Variants in DLG2 observed in about 807,000 individuals in gnomAD.
DLG2 encodes the protein discs large MAGUK scaffold protein 2, also known as disks large homolog 2.
Under a neutral mutation model 132.5 loss-of-function variants are expected in DLG2, and 45 were observed. That is an observed-to-expected ratio of 0.34 (90% CI 0.27 to 0.44). The LOEUF is 0.44. DLG2 is among the 20% of genes least tolerant of loss of function. The pLI, the probability that DLG2 is intolerant of heterozygous loss-of-function variation, is 1.00. For missense variants in DLG2, 1,045 were observed against 1,196.9 expected (o/e 0.87, Z 1.87); for synonymous variants, 424 against 419.6 (o/e 1.01, Z -0.13).
At chr11:85,099,283 T>C (rs1426332022) in intron 6 of DLG2, among the ~76,000 whole-genome samples, 1 of 152,170 alleles carries the variant, frequency 6.6e-6, no homozygotes, top group Non-Finnish European at 1.5e-5. Flanking sequence ...TACCTGAGGC[T>C]AGATCTAATG....
intron 8 of DLG2, among the ~76,000 whole-genome samples, chr11:84,220,093 A>G (rs2154323359): frequency 6.6e-6 from 1 of 152,250 alleles, no homozygotes; most frequent in African/African-American, 2.4e-5. Context: ...CGTTCCCTCT[A>G]TGGACTTTCC....
chr11:85,146,540 C>T (rs1179590616), intron 5 of DLG2, among the ~76,000 whole-genome samples: 1 of 152,062 alleles, frequency 6.6e-6, no homozygotes, highest in Non-Finnish European at 1.5e-5. Context: ...GGAGCTAGGA[C>T]CTGGAATTAA....
At chr11:84,650,867 G>GTATATA (rs1158584073) in intron 6 of DLG2, among the ~76,000 whole-genome samples, 19 of 95,682 alleles carry the variant, frequency 2.0e-4, no homozygotes, top group African/African-American at 9.2e-4. Context: ...GTGTGTGTGT[G>GTATATA]TGTGTGTATA....
At chr11:85,434,434 A>G (rs1270180986) in intron 3 of DLG2, among the ~76,000 whole-genome samples, 1 of 152,086 alleles carries the variant, frequency 6.6e-6, no homozygotes, top group Non-Finnish European at 1.5e-5. Context: ...CTAACAGACT[A>G]ATAAAGAAGA....
At chr11:83,682,416 T>G in intron 18 of DLG2, 1 of 985,412 alleles carries the variant, frequency 1.0e-6, no homozygotes, top group Non-Finnish European at 1.2e-6. Flanking sequence ...TAACTCATCC[T>G]GATAAATATA....
At chr11:83,491,881 A>AACTT (rs35156692) in intron 21 of DLG2, among the ~76,000 whole-genome samples, 7,473 of 152,002 alleles carry the variant, frequency 0.049, 194 homozygotes, top group Middle Eastern at 0.11. Flanking sequence ...TTCCCTTCTG[A>AACTT]ACTTACTTCA....
At position 83,869,525 on chromosome 11, in the gene DLG2, T is replaced by C. The variant is rs557091017; in HGVS notation, c.1565+4895A>G. 2.9e-4 allele frequency among the ~76,000 whole-genome samples: 44 copies of C among 152,312 alleles called. 2 individuals are homozygous for C. Among genetic ancestry groups the C allele is most frequent in the African/African-American group, 1.0e-3 (43 of 41,582 alleles). ...GTCTTTTGTGCCAAACAGTGGTACA[T>C]GGCTGTCCCTATGGAGTTAGGCCTG... On this transcript the variant is annotated intron_variant, in intron 16 of 27. Coordinates refer to ENST00000376104, the MANE Select transcript of DLG2 (RefSeq NM_001142699.3).
At chr11:85,050,236 C>T (rs1480132419) in intron 6 of DLG2, among the ~76,000 whole-genome samples, 1 of 151,820 alleles carries the variant, frequency 6.6e-6, no homozygotes, top group Non-Finnish European at 1.5e-5. Flanking sequence ...TAAAAATGTA[C>T]ACTAAAAAAT....
chr11:85,200,973 G>A (rs1455442858), intron 4 of DLG2, among the ~76,000 whole-genome samples: 1 of 152,106 alleles, frequency 6.6e-6, no homozygotes, highest in African/African-American at 2.4e-5. Flanking sequence ...AAACTAACCT[G>A]CTGGGAGACT....
intron 18 of DLG2, among the ~76,000 whole-genome samples, chr11:83,745,438 C>G (rs548174639): frequency 5.2e-4 from 79 of 152,256 alleles, no homozygotes; most frequent in African/African-American, 1.9e-3. Flanking sequence ...TTCCTTTACT[C>G]TTTCATTTTA....
intron 16 of DLG2, among the ~76,000 whole-genome samples, chr11:83,834,090 C>T (rs538539535): frequency 6.8e-4 from 104 of 152,244 alleles, no homozygotes; most frequent in African/African-American, 1.3e-3. Context: ...CTCAGTATGA[C>T]GGATGCACAC....
chr11:83,597,076 G>T (rs2057719990), intron 19 of DLG2, among the ~76,000 whole-genome samples: 1 of 152,008 alleles, frequency 6.6e-6, no homozygotes, highest in Admixed American at 6.6e-5. Context: ...GAATAACTGG[G>T]GTTAGTTCCA....
At chr11:85,118,996 G>A (rs895589019) in intron 5 of DLG2, among the ~76,000 whole-genome samples, 6 of 151,550 alleles carry the variant, frequency 4.0e-5, no homozygotes, top group African/African-American at 1.5e-4. Context: ...CTTATTAATT[G>A]GGGATCTTTC....
intron 6 of DLG2, among the ~76,000 whole-genome samples, chr11:84,592,269 G>C (rs976293802): frequency 2.0e-5 from 3 of 152,196 alleles, no homozygotes; most frequent in African/African-American, 7.2e-5. Flanking sequence ...ATTGTTGAAA[G>C]TATATGATGT....
At chr11:84,570,502 A>G (rs78539065) in intron 6 of DLG2, among the ~76,000 whole-genome samples, 5 of 152,184 alleles carry the variant, frequency 3.3e-5, no homozygotes, top group Admixed American at 2.0e-4. Flanking sequence ...TTCATCAGCT[A>G]TTATTTTCAA....
rs1270636519 is a variant in DLG2 at position 84,384,610 on chromosome 11, C to T, written c.520-133319G>A. ...ATCCTTAAAACTGCAATTTGGAAAA[C>T]ATTATTTTGTGGCAGGCTAATGAAT... On this transcript the variant is annotated intron_variant, in intron 7 of 27. Transcript: ENST00000376104. 1.3e-5 allele frequency among the ~76,000 whole-genome samples: 2 copies of T among 151,930 alleles called. 1 individual carries two copies. Among genetic ancestry groups the T allele is most frequent in the Non-Finnish European group, 2.9e-5 (2 of 67,948 alleles).
intron 18 of DLG2, among the ~76,000 whole-genome samples, chr11:83,655,624 A>G (rs1440667371): frequency 6.6e-6 from 1 of 152,220 alleles, no homozygotes; most frequent in Non-Finnish European, 1.5e-5. Flanking sequence ...AATTCTGAGG[A>G]AAGTCTGAAG....
intron 17 of DLG2, among the ~76,000 whole-genome samples, chr11:83,794,437 G>GTTTTTTTTT (rs200672667): frequency 1.6e-5 from 2 of 127,498 alleles, no homozygotes; most frequent in Admixed American, 8.3e-5. Flanking sequence ...TTTACTATTG[G>GTTTTTTTTT]TTTTTTTTTT....
chr11:84,811,698 C>T (rs148874970), intron 6 of DLG2, among the ~76,000 whole-genome samples: 108 of 152,206 alleles, frequency 7.1e-4, no homozygotes, highest in African/African-American at 2.3e-3. Flanking sequence ...CATTCATTCA[C>T]TTATTTATAT....
Sources: allele counts gnomAD v4.1 joint callset (sites outside exome capture counted in the v4.1 genomes callset), GRCh38; gene constraint gnomAD v4.1.1; transcripts MANE v1.5; gene names NCBI Gene and HGNC (gene_info 2026-07-23, HGNC 2026-07-21).